Variants in PTPRS observed in about 807,000 individuals in gnomAD.
PTPRS encodes receptor-type tyrosine-protein phosphatase S.
In PTPRS, 63 loss-of-function variants were observed where a neutral mutation model predicts 215.3. The observed-to-expected ratio is 0.29, with a 90% CI of 0.24 to 0.36. The LOEUF is 0.36. Ranked by LOEUF, PTPRS falls within the 10% of genes least tolerant of loss-of-function variation. The pLI is 1.00. For missense variants in PTPRS, 2,258 were observed against 2,825.8 expected (o/e 0.80, Z 4.56); for synonymous variants, 1,404 against 1,191.4 (o/e 1.18, Z -3.68).
intron 1 of PTPRS, among the ~76,000 whole-genome samples, chr19:5,322,518 T>A (rs537779667): frequency 3.6e-4 from 54 of 151,184 alleles, no homozygotes; most frequent in Non-Finnish European, 6.5e-4. Context: ...GACTCCCGGG[T>A]TGGGGGTGGT....
chr19:5,269,310 C>G (rs984748592), intron 4 of PTPRS, among the ~76,000 whole-genome samples: 1 of 152,026 alleles, frequency 6.6e-6, no homozygotes, highest in Non-Finnish European at 1.5e-5. Flanking sequence ...CTGACGCTAC[C>G]GAGAACACCT....
chr19:5,238,005 C>T (rs938652443), intron 13 of PTPRS, among the ~76,000 whole-genome samples: 1 of 152,088 alleles, frequency 6.6e-6, no homozygotes, highest in Non-Finnish European at 1.5e-5. Flanking sequence ...ACCATCATGA[C>T]TGATTCTGGA....
chr19:5,286,007 A>T (rs2048322755), intron 2 of PTPRS, 43 bp downstream of exon 2: 1 of 1,573,612 alleles, frequency 6.4e-7, no homozygotes, highest in South Asian at 1.1e-5. Context: ...CACACAGGTA[A>T]ACAAACACGC....
At chr19:5,325,510 C>T (rs1417153143) in intron 1 of PTPRS, among the ~76,000 whole-genome samples, 1 of 152,194 alleles carries the variant, frequency 6.6e-6, no homozygotes, top group Admixed American at 6.5e-5. Flanking sequence ...GAGACGTCAT[C>T]GGGGCCGGCC....
chr19:5,334,915 G>A (rs1481494109), intron 1 of PTPRS, among the ~76,000 whole-genome samples: 4 of 152,210 alleles, frequency 2.6e-5, no homozygotes, highest in Non-Finnish European at 4.4e-5. Context: ...TTAGCAGAGG[G>A]CCTGGCACGG....
intron 1 of PTPRS, among the ~76,000 whole-genome samples, chr19:5,333,491 G>T (rs2050394708): frequency 7.3e-6 from 1 of 136,958 alleles, no homozygotes; most frequent in Non-Finnish European, 1.6e-5. Context: ...CTGAGCAACA[G>T]TGTGAGTCCT....
chr19:5,266,301 T>C (rs1441415181), intron 4 of PTPRS, among the ~76,000 whole-genome samples: 2 of 151,780 alleles, frequency 1.3e-5, no homozygotes, highest in Non-Finnish European at 2.9e-5. Flanking sequence ...AAATAAAATA[T>C]AGAGATAGGG....
chr19:5,252,315 T>G (rs10426092), intron 9 of PTPRS, among the ~76,000 whole-genome samples: 135,508 of 152,120 alleles, frequency 0.89, 60,707 homozygotes, highest in African/African-American at 0.97. Flanking sequence ...GGTGGCTCAC[T>G]CCTGCAATCC....
At chr19:5,312,041 CAAA>C (rs577071088) in intron 1 of PTPRS, among the ~76,000 whole-genome samples, 2 of 116,040 alleles carry the variant, frequency 1.7e-5, no homozygotes. Context: ...GACTCCGTCT[CAAA>C]AAAAAAAAAA....
chr19:5,322,376 G>A (rs2050046993), intron 1 of PTPRS, among the ~76,000 whole-genome samples: 1 of 152,192 alleles, frequency 6.6e-6, no homozygotes, highest in Non-Finnish European at 1.5e-5. Flanking sequence ...CCACGTCCGT[G>A]GGCAGGCAGA....
At chr19:5,299,368 A>G (rs2049235208) in intron 1 of PTPRS, among the ~76,000 whole-genome samples, 1 of 152,210 alleles carries the variant, frequency 6.6e-6, no homozygotes, top group Non-Finnish European at 1.5e-5. Context: ...GCCTTTGCAC[A>G]GGCTATGCCT....
chr19:5,233,093 G>A (rs2043151954), intron 13 of PTPRS, among the ~76,000 whole-genome samples: 1 of 152,040 alleles, frequency 6.6e-6, no homozygotes, highest in African/African-American at 2.4e-5. Context: ...ACCATGCCAA[G>A]GGGAATGGCA....
In PTPRS at chr19:5,223,068, C is replaced by T. The variant is rs758601123; in HGVS notation, c.2724G>A (p.Arg908=). Residue 908 remains arginine (R), a synonymous_variant, in exon 18 of 38, where the codon CGG becomes CGA. Transcript: ENST00000262963. ...CCTCCTCGCCCAGGCCGCCGCGGCTCCGGGCCGCAAGCCGGAACACATACG... is the reference window on the plus strand; with the variant it reads ...CCTCCTCGCCCAGGCCGCCGCGGCTTCGGGCCGCAAGCCGGAACACATACG... ...GATYVFRLAA[R]SRGGLGEEAA... 1.3e-6 allele frequency: 2 copies of T among 1,554,500 alleles called. No homozygotes were observed. Among genetic ancestry groups the T allele is most frequent in the African/African-American group, 2.7e-5 (2 of 73,192 alleles).
chr19:5,291,686 T>G (rs571489460), intron 1 of PTPRS, among the ~76,000 whole-genome samples: 1 of 151,996 alleles, frequency 6.6e-6, no homozygotes, highest in African/African-American at 2.4e-5. Flanking sequence ...TGGCACACCC[T>G]TCCCCAGCTG....
rs1345381233 is a variant in PTPRS, at chr19:5,222,699, C to T, written c.3093G>A (p.Leu1031=). The change falls in exon 18 of 38, where the codon CTG becomes CTA. Residue 1031 remains leucine (L), a synonymous_variant. Transcript: ENST00000262963. ...TCGCCGCGCGCCTACCTTGGTCCCG[C>T]AGGAACGTCCGGTAGCGGACGGGGG... is the stretch of plus-strand genomic sequence containing the variant. ...FSPPVRYRTF[L]RDQVSPKNFK... 1 of 1,586,982 alleles carries T rather than the reference C, an allele frequency of 6.3e-7. No homozygotes were observed. The highest frequency in any genetic ancestry group is 1.1e-5 in the South Asian group (1 of 90,028).
At chr19:5,271,306 A>C (rs906210933) in intron 4 of PTPRS, among the ~76,000 whole-genome samples, 2 of 152,046 alleles carry the variant, frequency 1.3e-5, no homozygotes, top group African/African-American at 4.8e-5. Context: ...TTGACCAAAT[A>C]TGGCATTGTG....
chr19:5,219,601 G>A (rs2041797597), intron 22 of PTPRS, 134 bp from the exon 23 acceptor site: 1 of 1,159,130 alleles, frequency 8.6e-7, no homozygotes, highest in Non-Finnish European at 1.2e-6. Context: ...TGACCCTGGT[G>A]GCCTATGTGA....
At chr19:5,302,716 G>T (rs2049339909) in intron 1 of PTPRS, among the ~76,000 whole-genome samples, 1 of 151,994 alleles carries the variant, frequency 6.6e-6, no homozygotes, top group African/African-American at 2.4e-5. Context: ...CTCCTCCAGA[G>T]GCCACCCCCA....
At chr19:5,256,010 G>T in intron 9 of PTPRS, 98 bp downstream of exon 9, 4 of 993,892 alleles carry the variant, frequency 4.0e-6, no homozygotes, top group Non-Finnish European at 6.0e-6. Context: ...GTCAGCGTGT[G>T]TCCGTGTGGT....
Sources: gnomAD v4.1 joint callset for allele counts (sites outside exome capture counted in the v4.1 genomes callset) on GRCh38, gnomAD v4.1.1 for gene constraint, MANE v1.5 for transcripts, NCBI Gene and HGNC (gene_info 2026-07-23, HGNC 2026-07-21) for gene names.